SEL1L: variants seen among roughly 807,000 people sequenced by gnomAD.
SEL1L encodes the protein protein sel-1 homolog 1.
A neutral mutation model predicts 109.8 loss-of-function variants in SEL1L; 52 were observed. The ratio of observed to expected loss-of-function variants is 0.47; its 90% CI spans 0.38 to 0.60. The LOEUF (loss-of-function observed/expected upper bound fraction) is 0.60, where lower values mean the gene tolerates loss of function less well. Among genes scored for constraint, SEL1L ranks in the 20% least tolerant of loss-of-function variants. SEL1L has a pLI of 0.00. For synonymous variants in SEL1L, 373 were observed against 339.6 expected (o/e 1.10, Z -1.08); for missense variants, 749 against 962.2 (o/e 0.78, Z 2.93).
At chr14:81,490,141 T>C (rs1055665334) in intron 13 of SEL1L, among the ~76,000 whole-genome samples, 2 of 152,226 alleles carry the variant, frequency 1.3e-5, no homozygotes, top group African/African-American at 4.8e-5. Context: ...AAAATCAGTA[T>C]TTCCCCGATT....
chr14:81,479,453 C>A (rs1903273329), intron 20 of SEL1L, 159 bp downstream of exon 20: 1 of 540,638 alleles, frequency 1.8e-6, no homozygotes, highest in African/African-American at 1.9e-5. Flanking sequence ...TTTATCCCTC[C>A]CCTGATAAGG....
intron 1 of SEL1L, among the ~76,000 whole-genome samples, chr14:81,532,544 C>T (rs1885369113): frequency 6.6e-6 from 1 of 152,114 alleles, no homozygotes; most frequent in Non-Finnish European, 1.5e-5. Flanking sequence ...ATGATGTTGG[C>T]AGTAAAGTAA....
At chr14:81,496,681 A>G (rs1399735151) in intron 10 of SEL1L, among the ~76,000 whole-genome samples, 1 of 152,256 alleles carries the variant, frequency 6.6e-6, no homozygotes, top group East Asian at 1.9e-4. Context: ...CGGAGGTTGC[A>G]GCGAGCTGAG....
intron 3 of SEL1L, among the ~76,000 whole-genome samples, chr14:81,522,117 TAA>T (rs2140053662): frequency 6.6e-6 from 1 of 152,348 alleles, no homozygotes; most frequent in South Asian, 2.1e-4. Context: ...TATTTTAAGC[TAA>T]GTGTTACTAC....
chr14:81,504,184 T>A lies in SEL1L; in HGVS notation c.614+17A>T. 6.7e-7 allele frequency: 1 copy of A among 1,498,348 alleles called. No individual in the cohort carries two copies. Among genetic ancestry groups the A allele is most frequent in the Non-Finnish European group, 9.1e-7 (1 of 1,099,156 alleles). The allele number at this position is 1,498,348 out of a possible 1,614,324, so 92.8% of individuals were successfully genotyped here. A position where few individuals can be genotyped will look rare whatever the true frequency, so the allele number is the denominator to read the frequency against. On this transcript the variant is annotated intron_variant, in intron 5 of 20. Coordinates refer to ENST00000336735, the MANE Select transcript of SEL1L (RefSeq NM_005065.6). ...GGCCTGTCATGGGGGAAAAGTGGAC[T>A]TAGCAGTGCTACCTACTCTCTTTTT... is the stretch of plus-strand genomic sequence containing the variant.
At chr14:81,533,599 T>C (rs919739655) in intron 1 of SEL1L, 76 bp downstream of exon 1, 1 of 1,420,528 alleles carries the variant, frequency 7.0e-7, no homozygotes, top group African/African-American at 1.4e-5. Flanking sequence ...GAGCCTGGAG[T>C]CCCCACGGCC....
intron 1 of SEL1L, 27 bp downstream of exon 1, chr14:81,533,648 C>T (rs777448219): frequency 1.9e-6 from 3 of 1,607,324 alleles, no homozygotes; most frequent in Admixed American, 1.7e-5. Context: ...GGCTCTGGGC[C>T]TTCAGCCCGA....
At position 81,495,104 on chromosome 14, in the gene SEL1L, G is replaced by A. The variant is rs2140005071; in HGVS notation, c.1162C>T (p.Arg388Cys). ...ACCTGATGATTCTGTTCTACTCCAC[G>A]CCCTCCGTGCAGGTGCAGTTGTCCA... ...GLGQLHLHGG[R>C]GVEQNHQRAF... The change falls in exon 11 of 21, where the codon CGT becomes TGT. Residue 388 changes from arginine to cysteine, a missense_variant. By Grantham distance (180) the Arg-to-Cys change is radical (BLOSUM62 -3). Transcript: ENST00000336735. The A allele has an allele frequency of 1.2e-6, 2 of 1,613,978 alleles. No homozygotes were observed. The highest frequency in any genetic ancestry group is 1.3e-5 in the African/African-American group (1 of 75,022).
At chr14:81,500,812 C>G (rs1374727625) in intron 6 of SEL1L, among the ~76,000 whole-genome samples, 1 of 152,064 alleles carries the variant, frequency 6.6e-6, no homozygotes, top group Non-Finnish European at 1.5e-5. Flanking sequence ...AAAGGCTGCT[C>G]TACAATGTTA....
chr14:81,484,085 T>C, intron 19 of SEL1L, 140 bp downstream of exon 19: 1 of 842,018 alleles, frequency 1.2e-6, no homozygotes, highest in Non-Finnish European at 1.9e-6. Context: ...GGCAGTCTTC[T>C]GAAATATTAC....
chr14:81,503,671 T>G (rs965885126), intron 5 of SEL1L, among the ~76,000 whole-genome samples: 6 of 152,170 alleles, frequency 3.9e-5, no homozygotes, highest in Non-Finnish European at 8.8e-5. Context: ...AGTTAACCGA[T>G]TTGCAATAAG....
chr14:81,487,269 G>A, intron 16 of SEL1L, 121 bp downstream of exon 16: 1 of 909,436 alleles, frequency 1.1e-6, no homozygotes, highest in Non-Finnish European at 1.6e-6. Context: ...GTATATCAAA[G>A]CTAGGTAGGC....
At chr14:81,515,768 G>A (rs577588196) in intron 3 of SEL1L, among the ~76,000 whole-genome samples, 57 of 152,246 alleles carry the variant, frequency 3.7e-4, no homozygotes, top group Admixed American at 1.1e-3. Context: ...CCAATCAGCC[G>A]CAGATATCAG....
chr14:81,481,754 C>T (rs896225213), intron 19 of SEL1L, among the ~76,000 whole-genome samples: 6 of 152,004 alleles, frequency 3.9e-5, no homozygotes, highest in African/African-American at 1.2e-4. Context: ...GTAATGGGAC[C>T]GCGTGCAGTG....
chr14:81,495,033 A>G (rs1207386063), intron 11 of SEL1L, 48 bp downstream of exon 11: 11 of 1,560,250 alleles, frequency 7.1e-6, no homozygotes. Context: ...TGGGAACATC[A>G]TTTCCTGCTA....
chr14:81,500,205 C>G (rs1883946999), intron 6 of SEL1L, among the ~76,000 whole-genome samples: 1 of 151,784 alleles, frequency 6.6e-6, no homozygotes, highest in Non-Finnish European at 1.5e-5. Context: ...GCCACTGTAC[C>G]CGGCCACAAT....
chr14:81,533,721 C>T lies in SEL1L; in HGVS notation c.24G>A (p.Thr8=). The part of the protein sequence containing the change: MRVRIGL[T]LLLCAVLLSL... ...TCAGCAGCACCGCACACAGCAGCAGCGTCAGCCCTATCCGGACCCGCATCC... is the reference window on the plus strand; with the variant it reads ...TCAGCAGCACCGCACACAGCAGCAGTGTCAGCCCTATCCGGACCCGCATCC... The change falls in exon 1 of 21, where the codon ACG becomes ACA. Residue 8 remains threonine, a synonymous_variant. Coordinates refer to ENST00000336735, the MANE Select transcript of SEL1L (RefSeq NM_005065.6). The T allele has an allele frequency of 6.2e-7, 1 of 1,613,594 alleles. No individual in the cohort carries two copies. Among genetic ancestry groups the T allele is most frequent in the Middle Eastern group, 1.6e-4 (1 of 6,062 alleles).
In SEL1L at chr14:81,488,437, G is replaced by A. The variant is rs535136733; in HGVS notation, c.1396-495C>T. Among the ~76,000 whole-genome samples the A allele has an allele frequency of 1.1e-4, 16 of 152,244 alleles. 1 individual carries two copies. Among genetic ancestry groups the A allele is most frequent in the Admixed American group, 7.2e-4 (11 of 15,278 alleles). ...AGTGTCCTAGAATGACTAGAAGGCC[G>A]CAAAATGAGAACACATTACTGTCTT... On this transcript the variant is annotated intron_variant, in intron 14 of 20. Coordinates refer to ENST00000336735, the MANE Select transcript of SEL1L (RefSeq NM_005065.6).
At position 81,502,795 on chromosome 14, in the gene SEL1L, A is replaced by G. The variant is rs1217673491; in HGVS notation, c.703T>C (p.Leu235=). 1.9e-6 allele frequency: 3 copies of G among 1,614,038 alleles called. No individual in the cohort carries two copies. Among genetic ancestry groups the G allele is most frequent in the Non-Finnish European group, 2.5e-6 (3 of 1,180,006 alleles). The change falls in exon 6 of 21, where the codon TTG becomes CTG. Residue 235 remains leucine (L), a synonymous_variant. Coordinates refer to ENST00000336735, the MANE Select transcript of SEL1L (RefSeq NM_005065.6). ...CTCGCTGCCTGGATATTCTGTGGCA[A>G]GTAATCACCAAATAAAAGAGCATAT... The part of the protein sequence containing the change: ...VSYALLFGDY[L]PQNIQAAREM...
Sources: gnomAD v4.1 joint callset for allele counts (sites outside exome capture counted in the v4.1 genomes callset) on GRCh38, gnomAD v4.1.1 for gene constraint, MANE v1.5 for transcripts, NCBI Gene and HGNC (gene_info 2026-07-23, HGNC 2026-07-21) for gene names.